The following SCUBE1 variants were observed in gnomAD, a reference collection of about 807,000 sequenced individuals.
SCUBE1 encodes the protein signal peptide, CUB domain and EGF like domain containing 1, also known as signal peptide, CUB and EGF-like domain-containing protein 1.
Under a neutral mutation model 124.4 loss-of-function variants are expected in SCUBE1, and 59 were observed. The observed-to-expected ratio is 0.47, with a 90% CI of 0.38 to 0.59. The LOEUF (loss-of-function observed/expected upper bound fraction) is 0.59. SCUBE1 is among the 20% of genes least tolerant of loss of function. SCUBE1 has a pLI of 0.00. For synonymous variants in SCUBE1, 545 were observed against 550.9 expected (o/e 0.99, Z 0.15); for missense variants, 1,150 against 1,371.2 (o/e 0.84, Z 2.55).
At chr22:43,219,067 G>A (rs1389506690) in intron 14 of SCUBE1, among the ~76,000 whole-genome samples, 1 of 152,152 alleles carries the variant, frequency 6.6e-6, no homozygotes, top group East Asian at 1.9e-4. Flanking sequence ...CCTCTTCTGG[G>A]AAAGCTTCCT....
chr22:43,290,988 C>T, intron 4 of SCUBE1, 58 bp downstream of exon 4: 1 of 1,500,586 alleles, frequency 6.7e-7, no homozygotes, highest in Non-Finnish European at 9.0e-7. Context: ...GAGAAGGGGA[C>T]TCTGGGGGCT....
chr22:43,220,680 C>T, intron 13 of SCUBE1, 93 bp from the exon 14 acceptor site: 1 of 1,482,042 alleles, frequency 6.7e-7, no homozygotes, highest in Admixed American at 1.9e-5. Flanking sequence ...TTGGCAAGGA[C>T]TTCCTGGTCC....
chr22:43,237,731 C>G (rs1421311408), intron 7 of SCUBE1: 1 of 152,238 alleles, frequency 6.6e-6, no homozygotes, highest in Non-Finnish European at 1.5e-5. Context: ...AAGTCCACCT[C>G]AAGCTATTTT....
chr22:43,267,283 A>G (rs1010040485), intron 4 of SCUBE1, among the ~76,000 whole-genome samples: 1 of 152,170 alleles, frequency 6.6e-6, no homozygotes, highest in Non-Finnish European at 1.5e-5. Flanking sequence ...GAAAGAAGGA[A>G]AGGGAAGAAT....
At chr22:43,280,494 C>CCTTCCCCTCACCCATCCTCCT (rs375038998) in intron 4 of SCUBE1, among the ~76,000 whole-genome samples, 2 of 37,044 alleles carry the variant, frequency 5.4e-5, no homozygotes, top group Admixed American at 4.0e-4. Context: ...CACCCATCCC[C>CCTTCCCCTCACCCATCCTCCT]GTCCCTTCCC....
intron 3 of SCUBE1, among the ~76,000 whole-genome samples, chr22:43,308,327 G>C (rs73424055): frequency 0.013 from 1,982 of 152,338 alleles, 53 homozygotes; most frequent in African/African-American, 0.046. Flanking sequence ...CCAAGAATGG[G>C]AAAAGGTGGT....
intron 3 of SCUBE1, among the ~76,000 whole-genome samples, chr22:43,302,110 A>T (rs1925796018): frequency 6.6e-6 from 1 of 152,190 alleles, no homozygotes; most frequent in Non-Finnish European, 1.5e-5. Flanking sequence ...CTCAGAGAAG[A>T]GCTGTGCTCA....
At chr22:43,294,757 G>A (rs1378746124) in intron 3 of SCUBE1, among the ~76,000 whole-genome samples, 5 of 152,230 alleles carry the variant, frequency 3.3e-5, no homozygotes, top group Admixed American at 6.5e-5. Flanking sequence ...TCTCTGCCCC[G>A]TGGAACTGAC....
At chr22:43,271,741 C>T (rs1027565764) in intron 4 of SCUBE1, among the ~76,000 whole-genome samples, 1 of 152,150 alleles carries the variant, frequency 6.6e-6, no homozygotes, top group Non-Finnish European at 1.5e-5. Flanking sequence ...AGCCCAGCCA[C>T]CCCCAGGCAG....
chr22:43,333,388 T>C (rs1926963931), intron 2 of SCUBE1, among the ~76,000 whole-genome samples: 1 of 152,230 alleles, frequency 6.6e-6, no homozygotes, highest in South Asian at 2.1e-4. Flanking sequence ...TCTCCACATG[T>C]GGAGGCTATG....
intron 4 of SCUBE1, among the ~76,000 whole-genome samples, chr22:43,280,499 CTTCCCCTCACCCATCCTGCT>C (rs1327853184): frequency 3.6e-5 from 5 of 138,738 alleles, no homozygotes; most frequent in African/African-American, 1.2e-4. Flanking sequence ...ATCCCCGTCC[CTTCCCCTCACCCATCCTGCT>C]GTCCCTTCCC....
At position 43,212,536 on chromosome 22, in the gene SCUBE1, G is replaced by A; in HGVS notation, c.2110C>T (p.Pro704Ser). Residue 704 changes from proline to serine, a missense_variant, in exon 17 of 22, where the codon CCC becomes TCC. This residue lies in a region of SCUBE1 where 757 missense variants were observed against 840.9 expected (regional missense o/e 0.90). Transcript: ENST00000360835. ...ADGFKPCQAC[P>S]VGTYQPEPGR... Reference sequence around the variant, plus strand: ...GGCTCAGGCTGGTACGTGCCCACGGGGCAGGCCTGGCAGGGCTTGAAGCCA... The same window carrying A: ...GGCTCAGGCTGGTACGTGCCCACGGAGCAGGCCTGGCAGGGCTTGAAGCCA... The A allele has an allele frequency of 1.3e-6, 2 of 1,563,180 alleles. No individual in the cohort carries two copies. Among genetic ancestry groups the A allele is most frequent in the South Asian group, 2.4e-5 (2 of 84,636 alleles).
At chr22:43,323,683 T>G (rs1394041043) in intron 2 of SCUBE1, among the ~76,000 whole-genome samples, 1 of 151,968 alleles carries the variant, frequency 6.6e-6, no homozygotes, top group Non-Finnish European at 1.5e-5. Flanking sequence ...ATACCCACCT[T>G]TCTATCCAAA....
At chr22:43,268,114 C>T (rs1924146353) in intron 4 of SCUBE1, among the ~76,000 whole-genome samples, 1 of 152,218 alleles carries the variant, frequency 6.6e-6, no homozygotes. Flanking sequence ...AGGCTGTGTC[C>T]ACCGATGCCA....
chr22:43,301,062 T>G lies in SCUBE1; in HGVS notation c.350-9882A>C, dbSNP rs118056969. On this transcript the variant is annotated intron_variant, in intron 3 of 21. Coordinates refer to ENST00000360835, the MANE Select transcript of SCUBE1 (RefSeq NM_173050.5). ...CAGCAAATGGTCACACAACCCACAG[T>G]TGCTTCAGGCAAAACACCTGGTAGT... is the stretch of plus-strand genomic sequence containing the variant. Among the ~76,000 whole-genome samples, 46 of 152,322 alleles carry G rather than the reference T, an allele frequency of 3.0e-4. No individual in the cohort carries two copies. In the East Asian group the frequency reaches 6.6e-3, roughly 22 times the overall value.
intron 4 of SCUBE1, among the ~76,000 whole-genome samples, chr22:43,284,763 C>G (rs973316264): frequency 6.6e-6 from 1 of 151,800 alleles, no homozygotes; most frequent in African/African-American, 2.4e-5. Context: ...TCATCGTCAT[C>G]GTCGTCGTCG....
chr22:43,223,302 G>A, intron 10 of SCUBE1, 86 bp from the exon 11 acceptor site: 1 of 1,432,380 alleles, frequency 7.0e-7, no homozygotes, highest in Non-Finnish European at 9.3e-7. Flanking sequence ...TGGCCTAATG[G>A]GGACTCCCCC....
intron 4 of SCUBE1, among the ~76,000 whole-genome samples, chr22:43,265,870 C>G (rs1184436498): frequency 6.6e-6 from 1 of 152,134 alleles, no homozygotes; most frequent in Non-Finnish European, 1.5e-5. Context: ...GAGAGCGAGG[C>G]GGGGGGAATC....
At chr22:43,265,274 G>A (rs1347936871) in intron 4 of SCUBE1, among the ~76,000 whole-genome samples, 1 of 152,198 alleles carries the variant, frequency 6.6e-6, no homozygotes, top group Admixed American at 6.5e-5. Context: ...ACTGAGCCAA[G>A]ATGTTGTTGT....
Sources: allele counts gnomAD v4.1 joint callset (sites outside exome capture counted in the v4.1 genomes callset), GRCh38; gene constraint gnomAD v4.1.1; regional missense constraint gnomAD v4.1.1; transcripts MANE v1.5; gene names NCBI Gene and HGNC (gene_info 2026-07-23, HGNC 2026-07-21).